ACOT12: variants seen among roughly 807,000 people sequenced by gnomAD.
ACOT12 encodes the protein acyl-CoA thioesterase 12, also known as acetyl-coenzyme A thioesterase.
Under a neutral mutation model 67.7 loss-of-function variants are expected in ACOT12, and 51 were observed. The ratio of observed to expected loss-of-function variants is 0.75; its 90% CI spans 0.60 to 0.95. ACOT12 has a LOEUF of 0.95. ACOT12 is among the 40% of genes least tolerant of loss of function. ACOT12 has a pLI of 0.00. For synonymous variants in ACOT12, 251 were observed against 244.6 expected (o/e 1.03, Z -0.24); for missense variants, 734 against 708.1 (o/e 1.04, Z -0.41).
At chr5:81,352,766 T>C (rs953453111) in intron 5 of ACOT12, among the ~76,000 whole-genome samples, 2 of 152,310 alleles carry the variant, frequency 1.3e-5, no homozygotes, top group African/African-American at 2.4e-5. Context: ...TTTGTCACAC[T>C]TGAAGGAGTG....
At chr5:81,370,626 G>C (rs1365187587) in intron 3 of ACOT12, among the ~76,000 whole-genome samples, 1 of 152,198 alleles carries the variant, frequency 6.6e-6, no homozygotes, top group African/African-American at 2.4e-5. Context: ...AGACTACAGA[G>C]AGCCATGGGA....
intron 1 of ACOT12, among the ~76,000 whole-genome samples, chr5:81,393,339 TA>T (rs1484582514): frequency 6.6e-6 from 1 of 152,228 alleles, no homozygotes; most frequent in African/African-American, 2.4e-5. Flanking sequence ...ATTTCTTTTT[TA>T]AAAATAATTA....
the ACOT12 span, among the ~76,000 whole-genome samples, chr5:81,311,974 C>T: frequency 2.6e-5 from 4 of 152,258 alleles, no homozygotes; most frequent in East Asian, 1.9e-4. Context: ...CACAACACTA[C>T]GCAAATAAGT....
the ACOT12 span, among the ~76,000 whole-genome samples, chr5:81,311,439 C>T: frequency 6.6e-6 from 1 of 152,152 alleles, no homozygotes; most frequent in Admixed American, 6.6e-5. Flanking sequence ...AATAGACACA[C>T]ATAGTATTGA....
chr5:81,318,929 G>A, the ACOT12 span, among the ~76,000 whole-genome samples: 1 of 152,174 alleles, frequency 6.6e-6, no homozygotes, highest in Non-Finnish European at 1.5e-5. Flanking sequence ...TGTTTGTTGG[G>A]GGAGAGCTCC....
chr5:81,308,880 A>C, the ACOT12 span: 1 of 1,458,038 alleles, frequency 6.9e-7, no homozygotes, highest in South Asian at 1.3e-5. Context: ...AGTATTTTAA[A>C]ATAATGTTAA....
the ACOT12 span, among the ~76,000 whole-genome samples, chr5:81,316,732 T>C: frequency 3.5e-4 from 54 of 152,340 alleles, no homozygotes; most frequent in Admixed American, 1.4e-3. Flanking sequence ...TTGTTTCTCC[T>C]TTTTATTTTT....
intron 11 of ACOT12, among the ~76,000 whole-genome samples, chr5:81,342,311 A>G (rs1759221934): frequency 6.6e-6 from 1 of 152,216 alleles, no homozygotes; most frequent in South Asian, 2.1e-4. Context: ...ATTTTAAAGA[A>G]GTCATGACAG....
chr5:81,344,017 G>C, intron 9 of ACOT12, 136 bp from the exon 10 acceptor site: 1 of 1,206,742 alleles, frequency 8.3e-7, no homozygotes. Context: ...ATTTCCATAA[G>C]TCAGTAGTCA....
At chr5:81,312,579 A>G in the ACOT12 span, 41 of 1,613,828 alleles carry the variant, frequency 2.5e-5, 1 homozygote, top group South Asian at 2.0e-4. Context: ...GGCAAAGGGA[A>G]TGAGTGCAGA....
chr5:81,319,873 T>TGGGA, the ACOT12 span, among the ~76,000 whole-genome samples: 4 of 148,890 alleles, frequency 2.7e-5, no homozygotes, highest in African/African-American at 9.9e-5. Context: ...AGTTTTAAGC[T>TGGGA]AGGAAGTGAC....
At chr5:81,359,190 C>T (rs1346954734) in intron 5 of ACOT12, among the ~76,000 whole-genome samples, 3 of 152,140 alleles carry the variant, frequency 2.0e-5, no homozygotes, top group East Asian at 1.9e-4. Flanking sequence ...GCTTGTGGGG[C>T]CTGGGCGGGC....
At chr5:81,369,817 C>CA (rs752354680) in intron 3 of ACOT12, among the ~76,000 whole-genome samples, 9 of 152,312 alleles carry the variant, frequency 5.9e-5, no homozygotes, top group Non-Finnish European at 1.0e-4. Context: ...GTGTGGCCCT[C>CA]AGGAGACAGG....
downstream of ACOT12, among the ~76,000 whole-genome samples, chr5:81,328,173 C>A (rs1758720761): frequency 6.6e-6 from 1 of 152,156 alleles, no homozygotes; most frequent in East Asian, 1.9e-4. Flanking sequence ...CACTCCCTGT[C>A]TGCCTGCAGG....
chr5:81,365,469 A>T (rs985190874), intron 3 of ACOT12, among the ~76,000 whole-genome samples: 2 of 152,232 alleles, frequency 1.3e-5, no homozygotes, highest in East Asian at 3.8e-4. Flanking sequence ...ATGAAAAATA[A>T]AATAAAATAC....
chr5:81,323,691 C>A, the ACOT12 span, among the ~76,000 whole-genome samples: 2 of 151,776 alleles, frequency 1.3e-5, no homozygotes, highest in Non-Finnish European at 2.9e-5. Flanking sequence ...GGCTCTTACC[C>A]TGTGATATGC....
At chr5:81,393,931 G>A (rs1760933709) in intron 1 of ACOT12, 57 bp downstream of exon 1, 2 of 1,268,646 alleles carry the variant, frequency 1.6e-6, no homozygotes, top group African/African-American at 1.6e-5. Flanking sequence ...GCCCCCAGCC[G>A]CCGCCGCTCC....
chr5:81,393,956 C>A, intron 1 of ACOT12, 32 bp downstream of exon 1: 1 of 1,310,032 alleles, frequency 7.6e-7, no homozygotes, highest in South Asian at 2.2e-5. Context: ...GCCCCGGTCC[C>A]GCGCCTCCCC....
intron 2 of ACOT12, among the ~76,000 whole-genome samples, chr5:81,380,143 C>T (rs1344187237): frequency 6.6e-6 from 1 of 152,050 alleles, no homozygotes; most frequent in Non-Finnish European, 1.5e-5. Context: ...TTTTATTAAC[C>T]CTTAATTTTA....
Sources: allele counts gnomAD v4.1 joint callset (sites outside exome capture counted in the v4.1 genomes callset), GRCh38; gene constraint gnomAD v4.1.1; transcripts MANE v1.5; gene names NCBI Gene and HGNC (gene_info 2026-07-23, HGNC 2026-07-21).